The following RAD51C variants were observed in gnomAD, a reference collection of about 807,000 sequenced individuals.
RAD51C encodes the protein RAD51 paralog C, also known as DNA repair protein RAD51 homolog 3.
RAD51C carries 42 observed loss-of-function variants against 45.0 expected under a neutral mutation model. The observed-to-expected ratio is 0.93, with a 90% CI of 0.73 to 1.21. The LOEUF is 1.21. Among genes scored for constraint, RAD51C ranks in the 50% most tolerant of loss-of-function variants. The probability of loss-of-function intolerance (pLI) is 0.00; values close to 1 mark genes in which losing one functional copy is unlikely to be tolerated. For synonymous variants in RAD51C, 172 were observed against 159.8 expected (o/e 1.08, Z -0.58); for missense variants, 474 against 452.2 (o/e 1.05, Z -0.44).
chr17:58,709,504 T>C (rs937959672), intron 4 of RAD51C: 3 of 188,240 alleles, frequency 1.6e-5, no homozygotes, highest in Non-Finnish European at 3.3e-5. Context: ...CTTTAGACAG[T>C]TGGAAATAAA....
intron 3 of RAD51C, among the ~76,000 whole-genome samples, chr17:58,702,869 G>T (rs1253179941): frequency 6.6e-6 from 1 of 151,980 alleles, no homozygotes. Flanking sequence ...TCTCTAAACA[G>T]ATTAAGAGAG....
At chr17:58,720,352 C>G (rs2048872679) in intron 5 of RAD51C, among the ~76,000 whole-genome samples, 1 of 150,650 alleles carries the variant, frequency 6.6e-6, no homozygotes, top group African/African-American at 2.4e-5. Flanking sequence ...GGAGGCAGAG[C>G]TTGCTGTGGG....
At chr17:58,732,393 C>A in intron 7 of RAD51C, 91 bp from the exon 8 acceptor site, 1 of 1,040,450 alleles carries the variant, frequency 9.6e-7, no homozygotes, top group Non-Finnish European at 1.5e-6. Flanking sequence ...ATATAATAAA[C>A]CTATACATTT....
intron 5 of RAD51C, among the ~76,000 whole-genome samples, chr17:58,717,596 C>A (rs1195185926): frequency 1.3e-5 from 2 of 152,028 alleles, no homozygotes; most frequent in Non-Finnish European, 2.9e-5. Context: ...CTTAACCAGG[C>A]ATGGTAGCTC....
chr17:58,728,182 T>G (rs62081324), intron 7 of RAD51C, among the ~76,000 whole-genome samples: 44,714 of 150,132 alleles, frequency 0.3, 7,110 homozygotes, highest in Middle Eastern at 0.48. Context: ...GAGGCAGAGG[T>G]TGCAGTGAGC....
At chr17:58,706,447 T>TA in intron 4 of RAD51C, 4 of 353,036 alleles carry the variant, frequency 1.1e-5, no homozygotes, top group South Asian at 2.3e-5. Flanking sequence ...TAATAATAAT[T>TA]AAAAAAAGAA....
intron 3 of RAD51C, among the ~76,000 whole-genome samples, chr17:58,698,362 T>C (rs1284615490): frequency 7.9e-5 from 12 of 151,576 alleles, no homozygotes; most frequent in Admixed American, 7.9e-4. Context: ...TTTTTTGTAT[T>C]TTTAGTAGAG....
intron 4 of RAD51C, 173 bp from the exon 5 acceptor site, chr17:58,709,686 T>G (rs763501826): frequency 2.1e-5 from 12 of 579,524 alleles, no homozygotes; most frequent in Admixed American, 3.1e-5. Context: ...AATTGACACC[T>G]CCTTTCCTAT....
At chr17:58,729,278 C>T (rs138171111) in intron 7 of RAD51C, among the ~76,000 whole-genome samples, 3 of 152,192 alleles carry the variant, frequency 2.0e-5, no homozygotes, top group Non-Finnish European at 4.4e-5. Context: ...AGTGCAGTGG[C>T]GCAATCTCAG....
chr17:58,708,309 A>C (rs2048439893), intron 4 of RAD51C, among the ~76,000 whole-genome samples: 1 of 151,750 alleles, frequency 6.6e-6, no homozygotes, highest in African/African-American at 2.4e-5. Flanking sequence ...AAATTACCTT[A>C]TTTGTGTGTT....
intron 4 of RAD51C, among the ~76,000 whole-genome samples, chr17:58,709,056 A>G (rs1483833831): frequency 6.6e-6 from 1 of 151,508 alleles, no homozygotes; most frequent in Non-Finnish European, 1.5e-5. Flanking sequence ...GGCAAGTTAA[A>G]GAAAATTATA....
intron 6 of RAD51C, 22 bp downstream of exon 6, chr17:58,720,834 CATTTT>C (rs1236709033): frequency 6.3e-7 from 1 of 1,583,352 alleles, no homozygotes; most frequent in Admixed American, 1.7e-5. Context: ...ATCAGATAAA[CATTTT>C]AGTTTATCAC....
chr17:58,717,805 A>G (rs953284286), intron 5 of RAD51C, among the ~76,000 whole-genome samples: 4 of 152,134 alleles, frequency 2.6e-5, no homozygotes, highest in Non-Finnish European at 4.4e-5. Context: ...AAGGTGCCCG[A>G]TGAGAGGTAA....
intron 3 of RAD51C, among the ~76,000 whole-genome samples, chr17:58,698,711 G>A (rs781492285): frequency 1.3e-5 from 2 of 151,274 alleles, no homozygotes; most frequent in East Asian, 2.0e-4. Context: ...AGGCCGAGGC[G>A]GGCGGATCAC....
chr17:58,694,802 A>T, intron 1 of RAD51C, 129 bp from the exon 2 acceptor site: 1 of 942,774 alleles, frequency 1.1e-6, no homozygotes, highest in Admixed American at 1.8e-5. Context: ...GGTTGATAGA[A>T]TGTTGCATTT....
intron 2 of RAD51C, among the ~76,000 whole-genome samples, chr17:58,696,250 G>C (rs1282992771): frequency 1.3e-5 from 2 of 151,976 alleles, no homozygotes; most frequent in Non-Finnish European, 2.9e-5. Flanking sequence ...GGCTAACACG[G>C]TGAAACCCCG....
intron 1 of RAD51C, chr17:58,693,863 G>A (rs1209222865): frequency 6.6e-6 from 1 of 152,142 alleles, no homozygotes; most frequent in African/African-American, 2.4e-5. Context: ...CAGCATTCAG[G>A]CTCTTGATAG....
At chr17:58,716,521 G>A (rs1432642532) in intron 5 of RAD51C, among the ~76,000 whole-genome samples, 1 of 152,068 alleles carries the variant, frequency 6.6e-6, no homozygotes, top group Non-Finnish European at 1.5e-5. Flanking sequence ...GGAGTGCAGT[G>A]GCGCGATCTT....
At chr17:58,702,282 A>G (rs1279323208) in intron 3 of RAD51C, among the ~76,000 whole-genome samples, 1 of 152,224 alleles carries the variant, frequency 6.6e-6, no homozygotes, top group Non-Finnish European at 1.5e-5. Flanking sequence ...ACTTCTGTTC[A>G]ATGAAGCCAG....
Sources: allele counts gnomAD v4.1 joint callset (sites outside exome capture counted in the v4.1 genomes callset), GRCh38; gene constraint gnomAD v4.1.1; transcripts MANE v1.5; gene names NCBI Gene and HGNC (gene_info 2026-07-23, HGNC 2026-07-21).